Variants in VKORC1 observed in about 807,000 individuals in gnomAD.
VKORC1 encodes the protein vitamin K epoxide reductase complex subunit 1, also known as phylloquinone epoxide reductase.
In VKORC1, 12 loss-of-function variants were observed where a neutral mutation model predicts 14.8. The ratio of observed to expected loss-of-function variants is 0.81; its 90% CI spans 0.52 to 1.31. The LOEUF is 1.31. Ranked by LOEUF, VKORC1 falls within the 50% of genes most tolerant of loss-of-function variation. The pLI is 0.00. For missense variants in VKORC1, 223 were observed against 215.3 expected (o/e 1.04, Z -0.22); for synonymous variants, 94 against 92.5 (o/e 1.02, Z -0.09).
chr16:31,094,155 T>C (rs2057311342), intron 1 of VKORC1: 2 of 1,552,988 alleles, frequency 1.3e-6, no homozygotes, highest in Non-Finnish European at 1.7e-6. Flanking sequence ...TCCGTCATTA[T>C]GCTAACGCCT....
chr16:31,091,372 C>A (rs779992585), intron 2 of VKORC1, 30 bp from the exon 3 acceptor site: 1 of 1,601,222 alleles, frequency 6.2e-7, no homozygotes, highest in East Asian at 2.2e-5. Context: ...CCGGTGTGGG[C>A]TTCAGGCACT....
In VKORC1 at chr16:31,094,724, G is replaced by T; in HGVS notation, c.6C>A (p.Gly2=). 6.2e-7 allele frequency: 1 copy of T among 1,604,276 alleles called. No individual in the cohort carries two copies. Residue 2 remains glycine (G), a synonymous_variant, in exon 1 of 3, where the codon GGC becomes GGA. Coordinates refer to ENST00000394975, the MANE Select transcript of VKORC1 (RefSeq NM_024006.6). ...CCCAGCCAGGGCTCCCCCAGGTGCT[G>T]CCCATTATCTCCAGGTTCCGCCCGA... The part of the protein sequence containing the change: M[G]STWGSPGWVR...
Position 31,094,612 on chromosome 16 carries a change from G to T in VKORC1, c.118C>A (p.Arg40Ser). 1 of 1,607,406 alleles carries T rather than the reference G, an allele frequency of 6.2e-7. No homozygotes were observed. The highest frequency in any genetic ancestry group is 1.1e-5 in the South Asian group (1 of 90,546). ...KAARARDRDY[R>S]ALCDVGTAIS... ...GCGGTGCCCACGTCGCAGAGCGCGCGGTAATCCCGGTCCCGGGCGCGCGCC... is the reference window on the plus strand; with the variant it reads ...GCGGTGCCCACGTCGCAGAGCGCGCTGTAATCCCGGTCCCGGGCGCGCGCC... The change falls in exon 1 of 3, where the codon CGC (arginine) becomes AGC (serine). Residue 40 changes from arginine (R) to serine (S), a missense_variant. Arg to Ser is a moderately radical substitution (Grantham distance 110). Coordinates refer to ENST00000394975, the MANE Select transcript of VKORC1 (RefSeq NM_024006.6).
chr16:31,093,161 C>T, intron 2 of VKORC1, 151 bp downstream of exon 2: 2 of 818,932 alleles, frequency 2.4e-6, no homozygotes, highest in Non-Finnish European at 3.9e-6. Context: ...TTAGTTACCT[C>T]CCCACATCCC....
rs2057303532 is a variant in VKORC1 at position 31,093,365 on chromosome 16, T to C, written c.230A>G (p.Asn77Ser). The C allele has an allele frequency of 1.2e-6, 2 of 1,614,060 alleles. No individual in the cohort carries two copies. The highest frequency in any genetic ancestry group is 8.5e-7 in the Non-Finnish European group (1 of 1,180,026). The change falls in exon 2 of 3, where the codon AAT (asparagine) becomes AGT (serine). Residue 77 changes from asparagine (N) to serine (S), a missense_variant. Asn to Ser is a conservative substitution (Grantham distance 46). Coordinates refer to ENST00000394975, the MANE Select transcript of VKORC1 (RefSeq NM_024006.6). The stretch of plus-strand genomic sequence containing the variant: ...GCAACCGAATATGCTGTTGGATTGA[T>C]TGAGGATGCTGTCCTGTCCCAGCAC... ...EHVLGQDSIL[N>S]QSNSIFGCIF... is the part of the protein sequence containing the mutation.
chr16:31,093,204 C>T, intron 2 of VKORC1, 108 bp downstream of exon 2: 1 of 1,166,576 alleles, frequency 8.6e-7, no homozygotes, highest in Non-Finnish European at 1.2e-6. Flanking sequence ...GAGCAGCTAG[C>T]TGGCTGTCAG....
In VKORC1 at chr16:31,092,864, T is replaced by C. The variant is rs371197517; in HGVS notation, c.283+448A>G. The C allele has an allele frequency of 1.2e-3, 1,148 of 948,172 alleles. 20 individuals carry two copies. In the South Asian group the frequency reaches 0.016, roughly 13 times the overall value. 58.7% of individuals were successfully genotyped at this position (948,172 alleles called of 1,614,324 possible). On this transcript the variant is annotated intron_variant, in intron 2 of 2. Coordinates refer to ENST00000394975, the MANE Select transcript of VKORC1 (RefSeq NM_024006.6). Reference sequence around the variant, plus strand: ...GCCTGGGCAACATGGCGAGACACCATCTCTACCAAAAAAAAACAAAAACAA... The same window carrying C: ...GCCTGGGCAACATGGCGAGACACCACCTCTACCAAAAAAAAACAAAAACAA...
rs886051933 is a variant in VKORC1, at chr16:31,090,989, A to G, written c.*145T>C. On this transcript the variant is annotated 3_prime_UTR_variant, in exon 3 of 3. Coordinates refer to ENST00000394975, the MANE Select transcript of VKORC1 (RefSeq NM_024006.6). ...AGCGAGCGTGTGGCACATTTGGTCC[A>G]TTGTCATGTGCGGGTATGGCAGGAG... 5.1e-6 allele frequency: 7 copies of G among 1,372,634 alleles called. No individual in the cohort carries two copies. Among genetic ancestry groups the G allele is most frequent in the Non-Finnish European group, 7.0e-6 (7 of 1,003,032 alleles). The allele number at this position is 1,372,634 out of a possible 1,614,324, so 85.0% of individuals were successfully genotyped here.
In VKORC1 at chr16:31,094,613, G is replaced by T; in HGVS notation, c.117C>A (p.Tyr39Ter). The T allele has an allele frequency of 6.2e-7, 1 of 1,607,502 alleles. No individual in the cohort carries two copies. Residue 39 changes from tyrosine (Y) to a stop codon, truncating the protein, a stop_gained, in exon 1 of 3, where the codon TAC becomes TAA. Transcript: ENST00000394975. LOFTEE classifies it high-confidence loss of function. The stretch of plus-strand genomic sequence containing the variant: ...CGGTGCCCACGTCGCAGAGCGCGCG[G>T]TAATCCCGGTCCCGGGCGCGCGCCG... The part of the protein sequence containing the change: ...VKAARARDRD[Y>*]RALCDVGTAI...
chr16:31,092,503 T>C (rs2057296376), intron 2 of VKORC1, among the ~76,000 whole-genome samples: 2 of 152,058 alleles, frequency 1.3e-5, no homozygotes, highest in African/African-American at 2.4e-5. Context: ...CAGTGATGCC[T>C]TCTCTGGAGC....
At position 31,094,732 on chromosome 16, in the gene VKORC1, T is replaced by G. The variant is rs1371046582; in HGVS notation, c.-3A>C. 4 of 1,600,572 alleles carry G rather than the reference T, an allele frequency of 2.5e-6. No homozygotes were observed. Among genetic ancestry groups the G allele is most frequent in the South Asian group, 1.1e-5 (1 of 89,752 alleles). On this transcript the variant is annotated 5_prime_UTR_variant, in exon 1 of 3. Transcript: ENST00000394975. ...GGGCTCCCCCAGGTGCTGCCCATTATCTCCAGGTTCCGCCCGAGGCGCCCG... is the reference window on the plus strand; with the variant it reads ...GGGCTCCCCCAGGTGCTGCCCATTAGCTCCAGGTTCCGCCCGAGGCGCCCG...
intron 2 of VKORC1, among the ~76,000 whole-genome samples, chr16:31,092,176 CAAAAAAAAAAAAAA>C (rs35224256): frequency 8.1e-5 from 3 of 37,186 alleles, no homozygotes; most frequent in African/African-American, 2.1e-4. Flanking sequence ...GACTATGTCG[CAAAAAAAAAAAAAA>C]AAAAAAAAAA....
chr16:31,092,615 C>T (rs2057296910), intron 2 of VKORC1, among the ~76,000 whole-genome samples: 3 of 152,230 alleles, frequency 2.0e-5, no homozygotes, highest in African/African-American at 7.2e-5. Context: ...GGGGCGCCAT[C>T]GTCTTCCACT....
At chr16:31,094,315 G>A (rs1341915945) in intron 1 of VKORC1, 1 of 1,612,860 alleles carries the variant, frequency 6.2e-7, no homozygotes, top group South Asian at 1.1e-5. Context: ...TTATTCCTTG[G>A]CATCCAATTC....
intron 1 of VKORC1, chr16:31,094,271 C>G (rs748589816): frequency 1.2e-6 from 2 of 1,612,780 alleles, no homozygotes; most frequent in Admixed American, 1.7e-5. Flanking sequence ...CAATCTCTAC[C>G]GCCATCCTGC....
chr16:31,094,383 AC>A lies in VKORC1; in HGVS notation c.173+173del, dbSNP rs1471725866. 2.5e-6 allele frequency: 4 copies of A among 1,612,532 alleles called. No individual in the cohort carries two copies. In the South Asian group the frequency reaches 3.3e-5, roughly 13 times the overall value. The stretch of plus-strand genomic sequence containing the variant: ...AGCACTGTCTGGTCCCTTGCCTCGC[AC>A]TCTTATTTCGAACACCAGTATCGCT... On this transcript the variant is annotated intron_variant, in intron 1 of 2. Transcript: ENST00000394975.
intron 2 of VKORC1, 52 bp downstream of exon 2, chr16:31,093,260 A>AG: frequency 9.2e-7 from 1 of 1,091,578 alleles, no homozygotes; most frequent in Non-Finnish European, 1.1e-6. Flanking sequence ...GAGCTGACCA[A>AG]GGGGGATGAG....
chr16:31,093,656 A>ACTCCG (rs2143909035), intron 1 of VKORC1: 1 of 728,424 alleles, frequency 1.4e-6, no homozygotes, highest in African/African-American at 2.1e-5. Context: ...GGACGTGGCT[A>ACTCCG]CTCCGTAGGC....
At position 31,091,283 on chromosome 16, in the gene VKORC1, C is replaced by T. The variant is rs1461261820; in HGVS notation, c.343G>A (p.Ala115Thr). The change falls in exon 3 of 3, where the codon GCT (alanine) becomes ACT (threonine). Residue 115 changes from alanine (A) to threonine (T), a missense_variant. Physicochemically the swap from Ala to Thr is moderately conservative, Grantham distance 58. Transcript: ENST00000394975. ...LMLLSSLVSLAGSVYLAWILF... is the reference protein window; with the variant it reads ...LMLLSSLVSLTGSVYLAWILF... ...ATCCAGGCCAGGTAGACAGAACCAG[C>T]GAGAGACACCAGGGAGCTCAGCAGC... The T allele has an allele frequency of 2.5e-6, 4 of 1,614,118 alleles. No individual in the cohort carries two copies. The highest frequency in any genetic ancestry group is 4.5e-5 in the East Asian group (2 of 44,884).
Sources: gnomAD v4.1 joint callset for allele counts (sites outside exome capture counted in the v4.1 genomes callset) on GRCh38, gnomAD v4.1.1 for gene constraint, MANE v1.5 for transcripts, NCBI Gene and HGNC (gene_info 2026-07-23, HGNC 2026-07-21) for gene names.